The following CFAP44 variants were observed in gnomAD, a reference collection of about 807,000 sequenced individuals.
CFAP44 encodes cilia and flagella associated protein 44, also known as cilia- and flagella-associated protein 44.
In CFAP44, 134 loss-of-function variants were observed where a neutral mutation model predicts 216.2. That is an observed-to-expected ratio of 0.62 (90% CI 0.54 to 0.72). The LOEUF is 0.72. CFAP44 is among the 30% of genes least tolerant of loss of function. The probability of loss-of-function intolerance (pLI) is 0.00; values close to 1 mark genes in which losing one functional copy is unlikely to be tolerated. For synonymous variants in CFAP44, 700 were observed against 727.6 expected (o/e 0.96, Z 0.61); for missense variants, 2,035 against 2,182.1 (o/e 0.93, Z 1.34).
chr3:113,366,873 C>T (rs1932950457), intron 18 of CFAP44, among the ~76,000 whole-genome samples: 1 of 152,206 alleles, frequency 6.6e-6, no homozygotes. Flanking sequence ...CTGCGCTTTT[C>T]AAAAGTCTTA....
intron 28 of CFAP44, among the ~76,000 whole-genome samples, chr3:113,314,806 A>T (rs985737025): frequency 6.6e-6 from 1 of 152,172 alleles, no homozygotes; most frequent in Non-Finnish European, 1.5e-5. Flanking sequence ...TTAAACTGGT[A>T]AAATGATGTA....
At chr3:113,410,724 C>T (rs1934442570) in intron 6 of CFAP44, among the ~76,000 whole-genome samples, 1 of 152,214 alleles carries the variant, frequency 6.6e-6, no homozygotes, top group Non-Finnish European at 1.5e-5. Context: ...AATCACCACA[C>T]TGTCTTCCAC....
At chr3:113,304,963 A>AAT (rs1949971283) in intron 31 of CFAP44, 73 bp downstream of exon 31, 1 of 1,348,002 alleles carries the variant, frequency 7.4e-7, no homozygotes, top group Admixed American at 2.1e-5. Flanking sequence ...GTGAACTATG[A>AAT]ATCTTTCTCT....
intron 18 of CFAP44, among the ~76,000 whole-genome samples, chr3:113,371,403 C>G (rs139778143): frequency 1.3e-5 from 2 of 152,106 alleles, no homozygotes; most frequent in Admixed American, 6.5e-5. Context: ...TGGAACAGAA[C>G]AGAAGCCTCA....
At chr3:113,342,027 T>C in intron 23 of CFAP44, 109 bp from the exon 24 acceptor site, 1 of 1,289,770 alleles carries the variant, frequency 7.8e-7, no homozygotes, top group Admixed American at 3.3e-5. Flanking sequence ...TATATTGAAT[T>C]TGTAAATCAA....
intron 1 of CFAP44, among the ~76,000 whole-genome samples, chr3:113,434,316 C>T (rs1443003563): frequency 6.6e-6 from 1 of 151,974 alleles, no homozygotes; most frequent in Non-Finnish European, 1.5e-5. Context: ...AGGAGTTGGC[C>T]AGGCAAAGAA....
chr3:113,417,925 A>G (rs182310210), intron 5 of CFAP44, among the ~76,000 whole-genome samples: 1 of 152,322 alleles, frequency 6.6e-6, no homozygotes, highest in Admixed American at 6.5e-5. Context: ...AGAAATCTGG[A>G]TGAAGATTCA....
chr3:113,366,821 G>C (rs1466400775), intron 18 of CFAP44, among the ~76,000 whole-genome samples: 1 of 152,188 alleles, frequency 6.6e-6, no homozygotes, highest in African/African-American at 2.4e-5. Flanking sequence ...GGGAAACTGT[G>C]ACAGACTGTA....
intron 29 of CFAP44, among the ~76,000 whole-genome samples, chr3:113,307,535 T>C (rs937550535): frequency 2.6e-5 from 4 of 152,234 alleles, no homozygotes. Flanking sequence ...TTCTGTTTAA[T>C]TGACTTCTTA....
At chr3:113,328,975 G>A (rs1576550566) in intron 26 of CFAP44, among the ~76,000 whole-genome samples, 1 of 152,224 alleles carries the variant, frequency 6.6e-6, no homozygotes, top group African/African-American at 2.4e-5. Flanking sequence ...CTATCTATCA[G>A]TGTCCCTGCA....
intron 18 of CFAP44, among the ~76,000 whole-genome samples, chr3:113,370,080 A>G (rs1933099242): frequency 6.6e-6 from 1 of 152,228 alleles, no homozygotes. Context: ...AAATTGAGGC[A>G]ATAATTAATA....
At chr3:113,306,468 G>T in intron 29 of CFAP44, 137 bp from the exon 30 acceptor site, 2 of 988,826 alleles carry the variant, frequency 2.0e-6, no homozygotes, top group East Asian at 2.7e-5. Flanking sequence ...GACACTTATG[G>T]CTTAATTGTT....
At chr3:113,325,117 C>G (rs1950177636) in intron 28 of CFAP44, among the ~76,000 whole-genome samples, 1 of 151,810 alleles carries the variant, frequency 6.6e-6, no homozygotes, top group Admixed American at 6.6e-5. Context: ...TCCTGGCTAA[C>G]ACAGTGAAAC....
chr3:113,322,460 A>G (rs781492648), intron 28 of CFAP44, among the ~76,000 whole-genome samples: 13 of 152,346 alleles, frequency 8.5e-5, no homozygotes, highest in Middle Eastern at 3.4e-3. Context: ...AAGATTACCT[A>G]CAAGCAGGCA....
In CFAP44 at chr3:113,424,478, A is replaced by G. The variant is rs1934905506; in HGVS notation, c.407+1646T>C. ...AACAAAAAAGCAAAAACTGAAGTAGAATCAATATAATATACTAATAATCAT... is the reference window on the plus strand; with the variant it reads ...AACAAAAAAGCAAAAACTGAAGTAGGATCAATATAATATACTAATAATCAT... On this transcript the variant is annotated intron_variant, in intron 4 of 34. Coordinates refer to ENST00000393845, the MANE Select transcript of CFAP44 (RefSeq NM_001164496.2). Among the ~76,000 whole-genome samples the G allele has an allele frequency of 1.3e-5, 2 of 152,150 alleles. 1 individual carries two copies. Among genetic ancestry groups the G allele is most frequent in the Admixed American group, 1.3e-4 (2 of 15,270 alleles).
chr3:113,360,268 T>A (rs979647435), intron 21 of CFAP44: 66 of 173,350 alleles, frequency 3.8e-4, no homozygotes, highest in African/African-American at 1.6e-3. Flanking sequence ...CATGGCCATG[T>A]TATTATCAAG....
chr3:113,390,553 T>G (rs534515307), intron 15 of CFAP44, among the ~76,000 whole-genome samples: 1 of 152,218 alleles, frequency 6.6e-6, no homozygotes, highest in South Asian at 2.1e-4. Flanking sequence ...AGAAGTCAAA[T>G]TATCCTTGTT....
At chr3:113,346,431 A>G (rs935363112) in intron 22 of CFAP44, among the ~76,000 whole-genome samples, 4 of 152,130 alleles carry the variant, frequency 2.6e-5, no homozygotes, top group African/African-American at 9.7e-5. Context: ...GTAAAAAAGC[A>G]CCAATCAGCA....
intron 18 of CFAP44, among the ~76,000 whole-genome samples, chr3:113,368,353 A>G (rs979090191): frequency 1.3e-5 from 2 of 152,232 alleles, no homozygotes; most frequent in African/African-American, 4.8e-5. Context: ...AGGTCGGGTT[A>G]CCCACAAAGG....
Sources: gnomAD v4.1 joint callset for allele counts (sites outside exome capture counted in the v4.1 genomes callset) on GRCh38, gnomAD v4.1.1 for gene constraint, MANE v1.5 for transcripts, NCBI Gene and HGNC (gene_info 2026-07-23, HGNC 2026-07-21) for gene names.